The following CBLB variants were observed in gnomAD, a reference collection of about 807,000 sequenced individuals.
The protein encoded by CBLB is E3 ubiquitin-protein ligase CBL-B.
Under a neutral mutation model 104.9 loss-of-function variants are expected in CBLB, and 31 were observed. The observed-to-expected ratio is 0.30, with a 90% CI of 0.22 to 0.40. The LOEUF is 0.40. Ranked by LOEUF, CBLB falls within the 10% of genes least tolerant of loss-of-function variation. The probability of loss-of-function intolerance (pLI) is 1.00; values close to 1 mark genes in which losing one functional copy is unlikely to be tolerated. For missense variants in CBLB, 1,062 were observed against 1,214.6 expected, an observed-to-expected ratio of 0.87 and a Z score of 1.87; for synonymous variants, 440 against 422.6, an observed-to-expected ratio of 1.04 and a Z score of -0.51.
intron 17 of CBLB, chr3:105,671,760 T>C (rs1043262222): frequency 1.0e-5 from 2 of 199,770 alleles, no homozygotes; most frequent in Non-Finnish European, 2.1e-5. Flanking sequence ...TCACCAGCTT[T>C]GCTGAGGACT....
chr3:105,759,963 C>A (rs1225364762), intron 4 of CBLB, among the ~76,000 whole-genome samples: 1 of 152,296 alleles, frequency 6.6e-6, no homozygotes, highest in East Asian at 1.9e-4. Context: ...GCAGCTGGGG[C>A]CATCATTACT....
intron 5 of CBLB, among the ~76,000 whole-genome samples, chr3:105,748,764 G>T (rs2076338841): frequency 6.6e-6 from 1 of 152,078 alleles, no homozygotes; most frequent in African/African-American, 2.4e-5. Flanking sequence ...AAGCCAAGAG[G>T]AAGCAAACAT....
intron 3 of CBLB, among the ~76,000 whole-genome samples, chr3:105,838,073 T>C (rs549250164): frequency 4.4e-4 from 56 of 128,030 alleles, no homozygotes; most frequent in Admixed American, 1.9e-3. Flanking sequence ...CCTTTTTTTT[T>C]CCTTTTTTTC....
intron 9 of CBLB, among the ~76,000 whole-genome samples, chr3:105,729,251 A>T (rs2074037642): frequency 6.6e-6 from 1 of 152,104 alleles, no homozygotes; most frequent in Non-Finnish European, 1.5e-5. Context: ...CCCTTAATAG[A>T]AATTTCAGGT....
At chr3:105,802,224 T>C (rs2082960323) in intron 3 of CBLB, among the ~76,000 whole-genome samples, 1 of 152,230 alleles carries the variant, frequency 6.6e-6, no homozygotes, top group South Asian at 2.1e-4. Flanking sequence ...ACTGTAGCTT[T>C]CATGCATAAG....
chr3:105,719,291 T>C (rs1056503774), intron 10 of CBLB, among the ~76,000 whole-genome samples: 3 of 152,256 alleles, frequency 2.0e-5, no homozygotes. Context: ...CAGTGTTAGA[T>C]GACGTTTAAT....
chr3:105,750,825 G>C (rs549418954), intron 5 of CBLB, among the ~76,000 whole-genome samples: 1 of 152,310 alleles, frequency 6.6e-6, no homozygotes, highest in Admixed American at 6.5e-5. Flanking sequence ...TTACATTAGA[G>C]AAAATGTGGG....
At chr3:105,678,395 T>C (rs2065900975) in intron 17 of CBLB, 36 bp downstream of exon 17, 1 of 1,604,888 alleles carries the variant, frequency 6.2e-7, no homozygotes, top group African/African-American at 1.3e-5. Flanking sequence ...TATTTTTGCT[T>C]TAAGTGAATA....
intron 3 of CBLB, among the ~76,000 whole-genome samples, chr3:105,789,889 G>A (rs969582190): frequency 6.6e-6 from 1 of 152,106 alleles, no homozygotes; most frequent in African/African-American, 2.4e-5. Flanking sequence ...GATACATACT[G>A]ATTTTTTTAG....
At chr3:105,703,842 G>C (rs755857711) in intron 11 of CBLB, 146 bp downstream of exon 11, 2 of 704,302 alleles carry the variant, frequency 2.8e-6, no homozygotes, top group Admixed American at 2.4e-5. Flanking sequence ...TATGAATGTG[G>C]GCTCACCATA....
chr3:105,830,881 T>G (rs1388415096), intron 3 of CBLB, among the ~76,000 whole-genome samples: 3 of 152,214 alleles, frequency 2.0e-5, no homozygotes, highest in African/African-American at 7.2e-5. Flanking sequence ...ATTGTCCATA[T>G]AGCATGTAGT....
intron 3 of CBLB, among the ~76,000 whole-genome samples, chr3:105,846,795 T>A (rs1295017669): frequency 6.6e-6 from 1 of 152,098 alleles, no homozygotes; most frequent in Non-Finnish European, 1.5e-5. Flanking sequence ...ATTATAAACA[T>A]GCCCATTAAA....
chr3:105,817,055 C>CA (rs1021590741), intron 3 of CBLB, among the ~76,000 whole-genome samples: 15 of 152,040 alleles, frequency 9.9e-5, no homozygotes, highest in African/African-American at 3.4e-4. Flanking sequence ...ATTAGCATGA[C>CA]ATGTTTTTAG....
intron 3 of CBLB, among the ~76,000 whole-genome samples, chr3:105,808,918 T>G (rs1375087805): frequency 6.6e-6 from 1 of 152,176 alleles, no homozygotes; most frequent in African/African-American, 2.4e-5. Context: ...AAACTATGTA[T>G]TATTTAACTT....
chr3:105,757,549 GATT>G (rs768749211), intron 4 of CBLB, among the ~76,000 whole-genome samples: 3 of 152,052 alleles, frequency 2.0e-5, no homozygotes, highest in Non-Finnish European at 4.4e-5. Flanking sequence ...TGTAAACATG[GATT>G]ATGTTTACTT....
At chr3:105,869,051 G>T (rs1342155946), upstream of CBLB, 1 of 1,063,820 alleles carries the variant, frequency 9.4e-7, no homozygotes, top group Non-Finnish European at 1.2e-6. Context: ...CAGGCTCGGG[G>T]CGGGGCGGGG....
At chr3:105,675,267 C>T (rs2065474148) in intron 17 of CBLB, among the ~76,000 whole-genome samples, 1 of 152,164 alleles carries the variant, frequency 6.6e-6, no homozygotes, top group Non-Finnish European at 1.5e-5. Context: ...AAAATGCTCA[C>T]AGAGTTTGTT....
At position 105,853,459 on chromosome 3, in the gene CBLB, A is replaced by C. The variant is rs146130148; in HGVS notation, c.374T>G (p.Phe125Cys). 6.2e-7 allele frequency: 1 copy of C among 1,613,468 alleles called. No individual in the cohort carries two copies. The highest frequency in any genetic ancestry group is 8.5e-7 in the Non-Finnish European group (1 of 1,179,660). Residue 125 changes from phenylalanine to cysteine, a missense_variant, in exon 3 of 19, where the codon TTT (phenylalanine) becomes TGT (cysteine). Physicochemically the swap from Phe to Cys is radical, Grantham distance 205. Coordinates refer to ENST00000394030, the MANE Select transcript of CBLB (RefSeq NM_170662.5). ...ATACATTCTCTCCTTGCCTTCTTTA[A>C]AGAGTCTTATTGCCCGTTTTGACTT... ...MKKSKRAIRL[F>C]KEGKERMYEE...
intron 8 of CBLB, among the ~76,000 whole-genome samples, chr3:105,735,426 G>C (rs2074808189): frequency 6.6e-6 from 1 of 152,050 alleles, no homozygotes; most frequent in Non-Finnish European, 1.5e-5. Context: ...GGAAAAATAT[G>C]CAATTATAAA....
Sources: gnomAD v4.1 joint callset for allele counts (sites outside exome capture counted in the v4.1 genomes callset) on GRCh38, gnomAD v4.1.1 for gene constraint, MANE v1.5 for transcripts, NCBI Gene and HGNC (gene_info 2026-07-23, HGNC 2026-07-21) for gene names.